Variants in SYT2 observed in about 807,000 individuals in gnomAD.
The protein encoded by SYT2 is synaptotagmin-2.
A neutral mutation model predicts 39.9 loss-of-function variants in SYT2; 15 were observed. The ratio of observed to expected loss-of-function variants is 0.38; its 90% CI spans 0.25 to 0.58. The LOEUF is 0.58. Ranked by LOEUF, SYT2 falls within the 20% of genes least tolerant of loss-of-function variation. The pLI, the probability that SYT2 is intolerant of heterozygous loss-of-function variation, is 0.70. For synonymous variants in SYT2, 181 were observed against 204.5 expected, an observed-to-expected ratio of 0.89 and a Z score of 0.98; for missense variants, 389 against 530.3, an observed-to-expected ratio of 0.73 and a Z score of 2.62.
intron 1 of SYT2, among the ~76,000 whole-genome samples, chr1:202,615,885 G>A (rs183729302): frequency 1.2e-4 from 19 of 152,234 alleles, no homozygotes; most frequent in Non-Finnish European, 2.6e-4. Flanking sequence ...CAACTTGTTC[G>A]CAATTCCCCA....
chr1:202,679,632 ACCT>A (rs1246248498), intron 1 of SYT2, among the ~76,000 whole-genome samples: 1 of 151,932 alleles, frequency 6.6e-6, no homozygotes, highest in Non-Finnish European at 1.5e-5. Flanking sequence ...TTCCACAATT[ACCT>A]CCTAACTACT....
intron 1 of SYT2, among the ~76,000 whole-genome samples, chr1:202,626,503 G>A (rs1691418879): frequency 7.4e-6 from 1 of 135,196 alleles, no homozygotes; most frequent in African/African-American, 2.8e-5. Flanking sequence ...CGACCCCCAC[G>A]AGTAGCTGGG....
chr1:202,685,206 T>C (rs1337648746), intron 1 of SYT2, among the ~76,000 whole-genome samples: 1 of 152,208 alleles, frequency 6.6e-6, no homozygotes, highest in Non-Finnish European at 1.5e-5. Context: ...CCCACTCACC[T>C]GGCTGGTATT....
At chr1:202,638,053 C>T (rs1210831699) in intron 1 of SYT2, among the ~76,000 whole-genome samples, 2 of 152,360 alleles carry the variant, frequency 1.3e-5, no homozygotes, top group African/African-American at 4.8e-5. Flanking sequence ...CACATGAGCC[C>T]TTCCTGCTGC....
intron 1 of SYT2, among the ~76,000 whole-genome samples, chr1:202,646,857 C>T (rs1428039451): frequency 6.6e-6 from 1 of 152,186 alleles, no homozygotes; most frequent in Non-Finnish European, 1.5e-5. Flanking sequence ...CTCTCCTCCG[C>T]AGCCCCACCT....
chr1:202,664,629 G>A (rs370557326), intron 1 of SYT2, among the ~76,000 whole-genome samples: 77 of 152,280 alleles, frequency 5.1e-4, no homozygotes, highest in African/African-American at 1.8e-3. Context: ...AATCATTACA[G>A]GATGTACTCT....
intron 1 of SYT2, among the ~76,000 whole-genome samples, chr1:202,633,441 A>G (rs1691652053): frequency 6.6e-6 from 1 of 151,986 alleles, no homozygotes; most frequent in Non-Finnish European, 1.5e-5. Context: ...AGCCCACACC[A>G]AGGGCTCCAT....
rs924999083 is a variant in SYT2, at chr1:202,612,276, AT to A, written c.-17-6488del. Among the ~76,000 whole-genome samples the A allele has an allele frequency of 4.5e-3, 662 of 148,146 alleles. 1 individual carries two copies. Among genetic ancestry groups the A allele is most frequent in the African/African-American group, 0.014 (584 of 40,556 alleles). ...CTAACCTCATGGCAATACCACACTG[AT>A]TTTTTTTTTTAATAGCACCTGCCTA... On this transcript the variant is annotated intron_variant, in intron 1 of 8. Coordinates refer to ENST00000367268, the MANE Select transcript of SYT2 (RefSeq NM_177402.5).
chr1:202,666,563 T>C (rs1178059205), intron 1 of SYT2, among the ~76,000 whole-genome samples: 1 of 152,046 alleles, frequency 6.6e-6, no homozygotes, highest in Non-Finnish European at 1.5e-5. Context: ...ATTTCAGAGG[T>C]ATGTCACAGA....
At chr1:202,650,545 C>G (rs572485158) in intron 1 of SYT2, among the ~76,000 whole-genome samples, 1 of 151,542 alleles carries the variant, frequency 6.6e-6, no homozygotes, top group East Asian at 2.0e-4. Flanking sequence ...AAGCTATTCT[C>G]CTGCCTCAGC....
intron 1 of SYT2, among the ~76,000 whole-genome samples, chr1:202,638,808 C>T (rs1691821084): frequency 6.6e-6 from 1 of 152,214 alleles, no homozygotes; most frequent in Non-Finnish European, 1.5e-5. Flanking sequence ...TCCTTTGCCC[C>T]TGGGCAAATA....
At chr1:202,613,760 C>T (rs1690954388) in intron 1 of SYT2, among the ~76,000 whole-genome samples, 1 of 152,182 alleles carries the variant, frequency 6.6e-6, no homozygotes, top group East Asian at 1.9e-4. Flanking sequence ...CCCTGCAGCA[C>T]CCCACCCTCT....
At chr1:202,686,025 C>T (rs952351275) in intron 1 of SYT2, among the ~76,000 whole-genome samples, 1 of 152,116 alleles carries the variant, frequency 6.6e-6, no homozygotes, top group Admixed American at 6.5e-5. Context: ...AGGGTCCGCC[C>T]GGGAGGACAT....
In SYT2 at chr1:202,592,765, T is replaced by A. The variant is rs980961151; in HGVS notation, c.*3992A>T. 1 of 152,200 alleles carries A rather than the reference T, an allele frequency of 6.6e-6. No individual in the cohort carries two copies. The highest frequency in any genetic ancestry group is 1.5e-5 in the Non-Finnish European group (1 of 68,036). The allele number at this position is 152,200 out of a possible 1,614,324, so 9.4% of individuals were successfully genotyped here. A position where few individuals can be genotyped will look rare whatever the true frequency, so the allele number is the denominator to read the frequency against. ...ACTGGTTAAGTCAAATCCTTGGGGT[T>A]CCTGGCCCCTTGGGACCAAAGGGAG... On this transcript the variant is annotated 3_prime_UTR_variant, in exon 9 of 9. Coordinates refer to ENST00000367268, the MANE Select transcript of SYT2 (RefSeq NM_177402.5).
chr1:202,623,565 G>A lies in SYT2; in HGVS notation c.-17-17776C>T, dbSNP rs1691260415. 6.6e-6 allele frequency among the ~76,000 whole-genome samples: 1 copy of A among 152,236 alleles called. No homozygotes were observed. Among genetic ancestry groups the A allele is most frequent in the Admixed American group, 6.5e-5 (1 of 15,278 alleles). The stretch of plus-strand genomic sequence containing the variant: ...GCTTGGGAGCAGGCCGGGAAGGGTG[G>A]GCGACCCGGAATGAGTGATTGAGTG... On this transcript the variant is annotated intron_variant, in intron 1 of 8. Transcript: ENST00000367268. This position sits in a 1 kb window ranked among gnomAD's most constrained non-coding sequence, Gnocchi z 4.2.
At chr1:202,709,336 T>C (rs1352770089) in intron 1 of SYT2, among the ~76,000 whole-genome samples, 1 of 152,120 alleles carries the variant, frequency 6.6e-6, no homozygotes, top group African/African-American at 2.4e-5. Context: ...GGGGGTGTCC[T>C]GGAGGCACCT....
intron 1 of SYT2, among the ~76,000 whole-genome samples, chr1:202,660,446 A>G (rs1329619502): frequency 6.6e-6 from 1 of 152,130 alleles, no homozygotes; most frequent in Non-Finnish European, 1.5e-5. Flanking sequence ...GAAAGACAGG[A>G]ATCTCTTCCA....
chr1:202,637,609 G>T (rs547844623), intron 1 of SYT2, among the ~76,000 whole-genome samples: 1 of 152,162 alleles, frequency 6.6e-6, no homozygotes, highest in Admixed American at 6.5e-5. Context: ...GAGCTGGCAG[G>T]CTCCGTCTGC....
chr1:202,657,694 C>T (rs2149104508), intron 1 of SYT2, among the ~76,000 whole-genome samples: 1 of 152,050 alleles, frequency 6.6e-6, no homozygotes, highest in South Asian at 2.1e-4. Context: ...GTTTCTGGGT[C>T]CAGAAACTGA....
Sources: allele counts gnomAD v4.1 joint callset (sites outside exome capture counted in the v4.1 genomes callset), GRCh38; gene constraint gnomAD v4.1.1; non-coding constraint Gnocchi (gnomAD v3.1); transcripts MANE v1.5; gene names NCBI Gene and HGNC (gene_info 2026-07-23, HGNC 2026-07-21).